The following ARHGEF3 variants were observed in gnomAD, a reference collection of about 807,000 sequenced individuals.
ARHGEF3 encodes 59.8 kDA protein.
A neutral mutation model predicts 63.2 loss-of-function variants in ARHGEF3; 28 were observed. The observed-to-expected ratio is 0.44, with a 90% CI of 0.33 to 0.61. The LOEUF (loss-of-function observed/expected upper bound fraction) is 0.61, where lower values mean the gene tolerates loss of function less well. Among genes scored for constraint, ARHGEF3 ranks in the 20% least tolerant of loss-of-function variants. The pLI is 0.03. For synonymous variants in ARHGEF3, 266 were observed against 254.2 expected, an observed-to-expected ratio of 1.05 and a Z score of -0.44; for missense variants, 533 against 659.3, an observed-to-expected ratio of 0.81 and a Z score of 2.10.
intron 3 of ARHGEF3, among the ~76,000 whole-genome samples, chr3:56,899,910 A>G (rs1217455153): frequency 6.6e-6 from 1 of 152,234 alleles, no homozygotes; most frequent in Non-Finnish European, 1.5e-5. Context: ...TGAAATTCAT[A>G]TCTAATAGGT....
chr3:56,969,888 T>C (rs1457840349), intron 2 of ARHGEF3, among the ~76,000 whole-genome samples: 2 of 151,998 alleles, frequency 1.3e-5, no homozygotes, highest in African/African-American at 4.8e-5. Context: ...TACTGATACA[T>C]GCCACACCAT....
intron 3 of ARHGEF3, chr3:56,916,397 C>CT: frequency 6.5e-7 from 1 of 1,528,402 alleles, no homozygotes; most frequent in East Asian, 2.5e-5. Flanking sequence ...CAGTGGAGCC[C>CT]TGTGCACAGG....
At chr3:56,768,667 CAAAAA>C (rs770390697) in intron 2 of ARHGEF3, among the ~76,000 whole-genome samples, 1 of 44,056 alleles carries the variant, frequency 2.3e-5, no homozygotes, top group Admixed American at 2.1e-4. Flanking sequence ...AAGCAAAATG[CAAAAA>C]AAAAAAAAAA....
At chr3:56,880,174 A>C (rs556577295) in intron 4 of ARHGEF3, among the ~76,000 whole-genome samples, 1 of 152,352 alleles carries the variant, frequency 6.6e-6, no homozygotes, top group South Asian at 2.1e-4. Context: ...GAAAAATGCC[A>C]GGTAAATCAG....
intron 3 of ARHGEF3, among the ~76,000 whole-genome samples, chr3:56,933,610 G>A (rs2108398781): frequency 6.6e-6 from 1 of 152,112 alleles, no homozygotes; most frequent in East Asian, 1.9e-4. Flanking sequence ...TGTAGAGACA[G>A]GATTTCACGA....
At chr3:56,889,238 C>T (rs1483045307) in intron 3 of ARHGEF3, among the ~76,000 whole-genome samples, 1 of 152,144 alleles carries the variant, frequency 6.6e-6, no homozygotes, top group Non-Finnish European at 1.5e-5. Context: ...GAACAAACTG[C>T]CTTTTCGGTT....
At chr3:56,893,811 CAAAAAAAAAAAAAAAAAAAAAAAAA>C (rs537483698) in intron 3 of ARHGEF3, among the ~76,000 whole-genome samples, 9,012 of 79,656 alleles carry the variant, frequency 0.11, 1,202 homozygotes, top group African/African-American at 0.32. Flanking sequence ...GACTCTGTCT[CAAAAAAAAAAAAAAAAAAAAAAAAA>C]AAAAAAAAAA....
chr3:56,847,691 C>T (rs2039535010), intron 4 of ARHGEF3, among the ~76,000 whole-genome samples: 1 of 152,198 alleles, frequency 6.6e-6, no homozygotes, highest in African/African-American at 2.4e-5. Flanking sequence ...GATTCTCCTG[C>T]CTCGGCCTCC....
At chr3:57,062,546 A>G (rs1036072724) in intron 1 of ARHGEF3, among the ~76,000 whole-genome samples, 1 of 152,232 alleles carries the variant, frequency 6.6e-6, no homozygotes, top group African/African-American at 2.4e-5. Context: ...TGCATAATCT[A>G]CAATAGCAAA....
intron 5 of ARHGEF3, 28 bp from the exon 6 acceptor site, chr3:56,751,160 T>C (rs1366470295): frequency 6.2e-7 from 1 of 1,610,046 alleles, no homozygotes; most frequent in Admixed American, 1.7e-5. Context: ...GATGCTTATT[T>C]GTTAGGCATT....
chr3:56,884,906 G>C (rs1177916032), intron 3 of ARHGEF3, among the ~76,000 whole-genome samples: 1 of 152,220 alleles, frequency 6.6e-6, no homozygotes, highest in East Asian at 1.9e-4. Context: ...TCAGGAGAGA[G>C]AAGCAATTTG....
intron 2 of ARHGEF3, among the ~76,000 whole-genome samples, chr3:56,994,921 C>T (rs1241278605): frequency 6.6e-6 from 1 of 152,072 alleles, no homozygotes; most frequent in Non-Finnish European, 1.5e-5. Flanking sequence ...TGAGTTCTCT[C>T]AGGATCTGAT....
At position 56,957,920 on chromosome 3, in the gene ARHGEF3, CTATTAT is replaced by C. The variant is rs954143764; in HGVS notation, c.129+897_129+902del. Among the ~76,000 whole-genome samples the C allele has an allele frequency of 1.6e-3, 251 of 152,186 alleles. 2 individuals are homozygous for C. The highest frequency in any genetic ancestry group is 5.8e-3 in the African/African-American group (240 of 41,520). On this transcript the variant is annotated intron_variant, in intron 3 of 12. Transcript: ENST00000338458. ...ACAGCAGGACCTCCATACACTGTGG[CTATTAT>C]TATTATTATCATCACTATTATGCTG...
intron 4 of ARHGEF3, among the ~76,000 whole-genome samples, chr3:56,811,071 G>A (rs2038047051): frequency 6.6e-6 from 1 of 152,190 alleles, no homozygotes; most frequent in Non-Finnish European, 1.5e-5. Context: ...AACGTGCACT[G>A]AGGAACTACT....
At chr3:57,017,341 C>T (rs1414973669) in intron 2 of ARHGEF3, among the ~76,000 whole-genome samples, 1 of 152,064 alleles carries the variant, frequency 6.6e-6, no homozygotes, top group African/African-American at 2.4e-5. Flanking sequence ...TGTTACTGTA[C>T]CAGTCCCTGG....
At chr3:56,979,415 G>A (rs1701242522) in intron 2 of ARHGEF3, among the ~76,000 whole-genome samples, 1 of 152,224 alleles carries the variant, frequency 6.6e-6, no homozygotes, top group African/African-American at 2.4e-5. Flanking sequence ...CGTTCCTGCT[G>A]CCACAGGAGG....
At chr3:57,003,736 G>A (rs781751991) in intron 2 of ARHGEF3, among the ~76,000 whole-genome samples, 3 of 152,166 alleles carry the variant, frequency 2.0e-5, no homozygotes, top group South Asian at 2.1e-4. Context: ...AAGAAGGTCC[G>A]AGCAGTAGTA....
intron 2 of ARHGEF3, chr3:57,007,035 C>G: frequency 1.5e-6 from 1 of 664,602 alleles, no homozygotes; most frequent in Non-Finnish European, 2.1e-6. Flanking sequence ...GCTCCTGGGG[C>G]GATGGTCACA....
chr3:56,815,885 G>C lies in ARHGEF3; in HGVS notation c.193-42069C>G, dbSNP rs143022846. 6.1e-3 allele frequency among the ~76,000 whole-genome samples: 936 copies of C among 152,266 alleles called. 7 individuals carry two copies. Among genetic ancestry groups the C allele is most frequent in the African/African-American group, 0.021 (878 of 41,548 alleles). On this transcript the variant is annotated intron_variant, in intron 4 of 12. Coordinates refer to the ARHGEF3 transcript ENST00000338458. The stretch of plus-strand genomic sequence containing the variant: ...TCAAGGGTGGGCTGCTTGCATCTAA[G>C]TGGTAGGGCCATACCTAATTCTGTT...
Sources: allele counts gnomAD v4.1 joint callset (sites outside exome capture counted in the v4.1 genomes callset), GRCh38; gene constraint gnomAD v4.1.1; transcripts MANE v1.5; gene names NCBI Gene and HGNC (gene_info 2026-07-23, HGNC 2026-07-21).